FGF12: variants seen among roughly 807,000 people sequenced by gnomAD.
FGF12 encodes fibroblast growth factor 12B.
Under a neutral mutation model 23.6 loss-of-function variants are expected in FGF12, and 14 were observed. The observed-to-expected ratio is 0.59, with a 90% CI of 0.39 to 0.93. The LOEUF is 0.93. Ranked by LOEUF, FGF12 falls within the 40% of genes least tolerant of loss-of-function variation. FGF12 has a pLI of 0.00. For synonymous variants in FGF12, 62 were observed against 77.3 expected, an observed-to-expected ratio of 0.80 and a Z score of 1.04; for missense variants, 175 against 217.8, an observed-to-expected ratio of 0.80 and a Z score of 1.24.
At chr3:192,230,542 G>C (rs1718964668) in intron 4 of FGF12, among the ~76,000 whole-genome samples, 1 of 152,002 alleles carries the variant, frequency 6.6e-6, no homozygotes, top group Non-Finnish European at 1.5e-5. Flanking sequence ...AAATGCTTTG[G>C]ATGCACAACT....
intron 2 of FGF12, among the ~76,000 whole-genome samples, chr3:192,723,841 G>A (rs1413201902): frequency 7.6e-6 from 1 of 130,864 alleles, no homozygotes; most frequent in Non-Finnish European, 1.6e-5. Flanking sequence ...TCAGTGGGAG[G>A]TGAGAGTGTG....
At chr3:192,188,149 C>T (rs1022947914) in intron 4 of FGF12, among the ~76,000 whole-genome samples, 2 of 152,134 alleles carry the variant, frequency 1.3e-5, no homozygotes, top group African/African-American at 4.8e-5. Flanking sequence ...ATTTCATAAT[C>T]ATGTGATTCT....
chr3:192,181,107 C>T (rs1716144543), intron 4 of FGF12, among the ~76,000 whole-genome samples: 2 of 152,082 alleles, frequency 1.3e-5, no homozygotes, highest in South Asian at 4.1e-4. Flanking sequence ...TGAGACTCTT[C>T]AAGGCCCAGC....
At chr3:192,282,447 T>C (rs1477601065) in intron 4 of FGF12, among the ~76,000 whole-genome samples, 1 of 152,150 alleles carries the variant, frequency 6.6e-6, no homozygotes, top group Non-Finnish European at 1.5e-5. Flanking sequence ...TCTTCCACTG[T>C]GTGCCGTCCC....
intron 2 of FGF12, among the ~76,000 whole-genome samples, chr3:192,380,816 A>T (rs139806234): frequency 1.3e-5 from 2 of 152,230 alleles, no homozygotes; most frequent in South Asian, 4.1e-4. Flanking sequence ...ACTATCCAAC[A>T]GTAATATAAT....
In FGF12 at chr3:192,647,358, A is replaced by T. The variant is rs565421694; in HGVS notation, c.13+79823T>A. 9.9e-5 allele frequency among the ~76,000 whole-genome samples: 15 copies of T among 152,212 alleles called. 1 individual carries two copies. The South Asian group carries it at 2.9e-3, about 29-fold the overall frequency. ...AGAAGGGGTGTTTTGCACTCCATTT[A>T]TTCTGCCAGCACTAACCTACAAGTT... is the stretch of plus-strand genomic sequence containing the variant. On this transcript the variant is annotated intron_variant, in intron 2 of 5. Coordinates refer to ENST00000445105, the MANE Select transcript of FGF12 (RefSeq NM_004113.6).
intron 2 of FGF12, among the ~76,000 whole-genome samples, chr3:192,530,205 T>G (rs745522774): frequency 5.3e-5 from 8 of 152,184 alleles, no homozygotes; most frequent in African/African-American, 7.2e-5. Context: ...GTTTAGAGGT[T>G]GAGCTTTGAA....
intron 4 of FGF12, among the ~76,000 whole-genome samples, chr3:192,220,990 A>T (rs184289975): frequency 1.3e-5 from 2 of 152,322 alleles, no homozygotes; most frequent in African/African-American, 2.4e-5. Flanking sequence ...TGCACCAACC[A>T]TCTGAATGAC....
intron 2 of FGF12, among the ~76,000 whole-genome samples, chr3:192,710,510 A>G (rs1718628020): frequency 2.0e-5 from 3 of 152,252 alleles, no homozygotes; most frequent in Admixed American, 2.0e-4. Flanking sequence ...AGATCTGAGA[A>G]AGCTGAGGTC....
At chr3:192,637,413 T>C (rs566127154) in intron 2 of FGF12, among the ~76,000 whole-genome samples, 2 of 152,292 alleles carry the variant, frequency 1.3e-5, no homozygotes, top group African/African-American at 4.8e-5. Context: ...GCCCCAAACA[T>C]CTATAGGCAA....
At chr3:192,377,773 T>C (rs1180848161) in intron 2 of FGF12, among the ~76,000 whole-genome samples, 1 of 152,156 alleles carries the variant, frequency 6.6e-6, no homozygotes, top group Non-Finnish European at 1.5e-5. Context: ...ATAGGCAGCT[T>C]ATTAGTTTAT....
intron 2 of FGF12, among the ~76,000 whole-genome samples, chr3:192,440,433 C>T (rs564877238): frequency 2.0e-5 from 3 of 152,164 alleles, no homozygotes; most frequent in African/African-American, 4.8e-5. Flanking sequence ...AGTGATTAGT[C>T]AGATGGGATT....
intron 4 of FGF12, among the ~76,000 whole-genome samples, chr3:192,328,344 C>G (rs1407254973): frequency 6.6e-6 from 1 of 152,210 alleles, no homozygotes; most frequent in Admixed American, 6.5e-5. Flanking sequence ...GGATCAAGCA[C>G]ATGCGCAATG....
chr3:192,256,309 C>T (rs1433414318), intron 4 of FGF12, among the ~76,000 whole-genome samples: 1 of 151,866 alleles, frequency 6.6e-6, no homozygotes, highest in Non-Finnish European at 1.5e-5. Flanking sequence ...GATACTTTTG[C>T]AATAATTCAT....
At position 192,642,035 on chromosome 3, in the gene FGF12, T is replaced by C. The variant is rs955573949; in HGVS notation, c.13+85146A>G. Among the ~76,000 whole-genome samples the C allele has an allele frequency of 9.6e-4, 147 of 152,334 alleles. 2 individuals are homozygous for C. Among genetic ancestry groups the C allele is most frequent in the Non-Finnish European group, 8.2e-4 (56 of 68,032 alleles). On this transcript the variant is annotated intron_variant, in intron 2 of 5. Coordinates refer to ENST00000445105, the MANE Select transcript of FGF12 (RefSeq NM_004113.6). ...GTATCTTTTGTTTATAAATTAGACA[T>C]ACCCAGAACTTGATTTATATCCTTC...
intron 2 of FGF12, among the ~76,000 whole-genome samples, chr3:192,706,509 C>A (rs9859403): frequency 6.6e-6 from 1 of 151,692 alleles, no homozygotes; most frequent in African/African-American, 2.4e-5. Flanking sequence ...TTTCTGTCCT[C>A]TCCAATTTAC....
intron 4 of FGF12, among the ~76,000 whole-genome samples, chr3:192,281,689 C>T (rs538215253): frequency 2.6e-5 from 4 of 152,188 alleles, no homozygotes; most frequent in East Asian, 1.9e-4. Flanking sequence ...CAGTTTTCAG[C>T]GATCTCAAAG....
chr3:192,242,041 T>C (rs1168616146), intron 4 of FGF12, among the ~76,000 whole-genome samples: 2 of 152,112 alleles, frequency 1.3e-5, no homozygotes, highest in Non-Finnish European at 2.9e-5. Context: ...ATCACTGCAT[T>C]AAATATTTAT....
In FGF12 at chr3:192,336,655, T is replaced by C. The variant is rs1394788554; in HGVS notation, c.125-1191A>G. On this transcript the variant is annotated intron_variant, in intron 3 of 5. Transcript: ENST00000445105. The surrounding 1 kb of genome is among the most constrained non-coding windows in gnomAD (Gnocchi z 4.3). ...AGAAGTTCTTATCCACTTTTTCTGT[T>C]GATAAAATTCCTATCAGTTCTCGTC... Among the ~76,000 whole-genome samples, 1 of 152,168 alleles carries C rather than the reference T, an allele frequency of 6.6e-6. No homozygotes were observed. Among genetic ancestry groups the C allele is most frequent in the Non-Finnish European group, 1.5e-5 (1 of 68,012 alleles).
Sources: gnomAD v4.1 joint callset for allele counts (sites outside exome capture counted in the v4.1 genomes callset) on GRCh38, gnomAD v4.1.1 for gene constraint, Gnocchi (gnomAD v3.1) non-coding constraint, MANE v1.5 for transcripts, NCBI Gene and HGNC (gene_info 2026-07-23, HGNC 2026-07-21) for gene names.